The following ZFYVE28 variants were observed in gnomAD, a reference collection of about 807,000 sequenced individuals.
ZFYVE28 encodes lateral signaling target protein 2 homolog.
Under a neutral mutation model 82.1 loss-of-function variants are expected in ZFYVE28, and 40 were observed. The observed-to-expected ratio is 0.49, with a 90% CI of 0.38 to 0.63. The LOEUF (loss-of-function observed/expected upper bound fraction) is 0.63. ZFYVE28 is among the 30% of genes least tolerant of loss of function. The probability of loss-of-function intolerance (pLI) is 0.00; values close to 1 mark genes in which losing one functional copy is unlikely to be tolerated. For missense variants in ZFYVE28, 1,321 were observed against 1,242.1 expected (o/e 1.06, Z -0.96); for synonymous variants, 612 against 546.1 (o/e 1.12, Z -1.68).
intron 7 of ZFYVE28, chr4:2,306,862 G>C (rs762554042): frequency 6.6e-6 from 1 of 152,180 alleles, no homozygotes; most frequent in Non-Finnish European, 1.5e-5. Context: ...GTAAATATAC[G>C]TAGTTCCTTT....
At chr4:2,273,038 C>T (rs1736054909) in intron 10 of ZFYVE28, 135 bp downstream of exon 10, 1 of 723,306 alleles carries the variant, frequency 1.4e-6, no homozygotes, top group Non-Finnish European at 2.3e-6. Flanking sequence ...TCAGGGGATC[C>T]TGGGGTCGAC....
chr4:2,384,059 GCACATGTCC>G (rs1023999421), intron 1 of ZFYVE28, among the ~76,000 whole-genome samples: 2 of 152,188 alleles, frequency 1.3e-5, no homozygotes, highest in Non-Finnish European at 2.9e-5. Flanking sequence ...AGAGGGTAGG[GCACATGTCC>G]CACACAGGCA....
intron 1 of ZFYVE28, among the ~76,000 whole-genome samples, chr4:2,396,989 A>G (rs1055148499): frequency 7.9e-5 from 12 of 152,326 alleles, no homozygotes; most frequent in Admixed American, 3.3e-4. Flanking sequence ...GGGGCAGGAC[A>G]GGAGCCAGGG....
intron 4 of ZFYVE28, among the ~76,000 whole-genome samples, chr4:2,338,763 C>G (rs1306762247): frequency 6.6e-6 from 1 of 152,190 alleles, no homozygotes; most frequent in Non-Finnish European, 1.5e-5. Flanking sequence ...CAGTAGATTA[C>G]AAGATGAAAA....
intron 1 of ZFYVE28, among the ~76,000 whole-genome samples, chr4:2,406,123 G>A (rs1450027514): frequency 2.0e-5 from 3 of 151,386 alleles, no homozygotes; most frequent in Non-Finnish European, 4.4e-5. Context: ...TGTAATCCCA[G>A]CACTTTGGGA....
chr4:2,288,411 G>C (rs1431245602), intron 8 of ZFYVE28, among the ~76,000 whole-genome samples: 1 of 152,250 alleles, frequency 6.6e-6, no homozygotes, highest in Non-Finnish European at 1.5e-5. Context: ...CAGTGGGGGA[G>C]CATCGGGCCC....
chr4:2,394,658 G>A lies in ZFYVE28; in HGVS notation c.39+23627C>T, dbSNP rs182854333. Reference sequence around the variant, plus strand: ...CAGCTGCTCGGGCTGCTCGGTCACAGGCAGGGGCCTGGGTGTCGTGTCACA... The same window carrying A: ...CAGCTGCTCGGGCTGCTCGGTCACAAGCAGGGGCCTGGGTGTCGTGTCACA... On this transcript the variant is annotated intron_variant, in intron 1 of 12. Transcript: ENST00000290974. This position sits in a 1 kb window ranked among gnomAD's most constrained non-coding sequence, Gnocchi z 4.0. Among the ~76,000 whole-genome samples, 2 of 152,364 alleles carry A rather than the reference G, an allele frequency of 1.3e-5. No homozygotes were observed. Among genetic ancestry groups the A allele is most frequent in the African/African-American group, 4.8e-5 (2 of 41,590 alleles).
At chr4:2,299,627 A>G (rs866633193) in intron 8 of ZFYVE28, among the ~76,000 whole-genome samples, 4 of 148 alleles carry the variant, frequency 0.027, no homozygotes, top group South Asian at 0.25. Context: ...AAAGAGAAGG[A>G]AGGGAAGGGA....
rs565985106 is a variant in ZFYVE28, at chr4:2,271,820, C to G, written c.2324-41G>C. The G allele has an allele frequency of 2.0e-4, 313 of 1,584,668 alleles. 4 individuals are homozygous for G. In the South Asian group the frequency reaches 3.1e-3, roughly 16 times the overall value. ...GGCCGTCGGGGTATGGTGAGGGAGG[C>G]GGGCAATTGATGCAGGGTCACCTGC... On this transcript the variant is annotated intron_variant, in intron 10 of 12. Transcript: ENST00000290974.
intron 6 of ZFYVE28, chr4:2,330,984 C>T: frequency 6.5e-7 from 1 of 1,534,826 alleles, no homozygotes; most frequent in Non-Finnish European, 8.7e-7. Context: ...GATCCGGCAA[C>T]CATCCTGCAG....
chr4:2,308,683 G>GAAAGAAAGAGAAAGAAAGA (rs1553830773), intron 7 of ZFYVE28, among the ~76,000 whole-genome samples: 2,783 of 80,898 alleles, frequency 0.034, 79 homozygotes, highest in Non-Finnish European at 0.039. Flanking sequence ...GAAAGAGAAA[G>GAAAGAAAGAGAAAGAAAGA]AAAGAAAAGA....
chr4:2,343,784 G>A (rs1723142734), intron 2 of ZFYVE28, among the ~76,000 whole-genome samples: 1 of 152,224 alleles, frequency 6.6e-6, no homozygotes, highest in African/African-American at 2.4e-5. Flanking sequence ...GCCCAAGGCT[G>A]AGGAGCCTTT....
At chr4:2,281,962 G>A (rs1356487651) in intron 8 of ZFYVE28, among the ~76,000 whole-genome samples, 5 of 152,326 alleles carry the variant, frequency 3.3e-5, no homozygotes, top group African/African-American at 9.6e-5. Flanking sequence ...GGAACAGTAC[G>A]GGTGAGATAC....
In ZFYVE28 at chr4:2,335,889, A is replaced by G. The variant is rs1721610360; in HGVS notation, c.612-95T>C. The G allele has an allele frequency of 9.9e-7, 1 of 1,012,068 alleles. No individual in the cohort carries two copies. The highest frequency in any genetic ancestry group is 1.4e-5 in the South Asian group (1 of 72,486). 62.7% of individuals were successfully genotyped at this position (1,012,068 alleles called of 1,614,324 possible). On this transcript the variant is annotated intron_variant, in intron 5 of 12. Coordinates refer to ENST00000290974, the MANE Select transcript of ZFYVE28 (RefSeq NM_020972.3). The surrounding 1 kb of genome is among the most constrained non-coding windows in gnomAD (Gnocchi z 5.8). ...GGGACAGGCAGTGCGCTCAATCTGT[A>G]CCTGCAGCCACGCGTGGTGGCCACG... is the stretch of plus-strand genomic sequence containing the variant.
At chr4:2,295,116 G>GC (rs1410648800) in intron 8 of ZFYVE28, among the ~76,000 whole-genome samples, 2 of 152,146 alleles carry the variant, frequency 1.3e-5, no homozygotes, top group Non-Finnish European at 2.9e-5. Flanking sequence ...ATATGCTGTT[G>GC]TTTATCATAT....
In ZFYVE28 at chr4:2,331,005, C is replaced by T. The variant is rs1177966672; in HGVS notation, c.701+4700G>A. 8.5e-6 allele frequency: 12 copies of T among 1,409,376 alleles called. No homozygotes were observed. The East Asian group carries it at 1.0e-4, about 12-fold the overall frequency. The allele number at this position is 1,409,376 out of a possible 1,614,324, so 87.3% of individuals were successfully genotyped here. On this transcript the variant is annotated intron_variant, in intron 6 of 12. Coordinates refer to ENST00000290974, the MANE Select transcript of ZFYVE28 (RefSeq NM_020972.3). ...GCAACCATCCTGCAGGCCACGTGGG[C>T]GGTGGCTCCTGCACGTGTTCTGGGA...
At chr4:2,396,929 AT>A (rs1433230306) in intron 1 of ZFYVE28, among the ~76,000 whole-genome samples, 1 of 152,122 alleles carries the variant, frequency 6.6e-6, no homozygotes, top group Non-Finnish European at 1.5e-5. Flanking sequence ...CCCGAATTGA[AT>A]TGTGTGCTTC....
intron 2 of ZFYVE28, chr4:2,343,424 C>A (rs2108867517): frequency 6.6e-6 from 1 of 152,302 alleles, no homozygotes; most frequent in African/African-American, 2.4e-5. Flanking sequence ...GGCAAGAAAT[C>A]ATGCACTAAA....
intron 8 of ZFYVE28, among the ~76,000 whole-genome samples, chr4:2,276,755 C>T (rs899488315): frequency 3.3e-5 from 5 of 151,994 alleles, no homozygotes; most frequent in Middle Eastern, 3.4e-3. Flanking sequence ...TCCTGAGAGC[C>T]GTCACGTTCA....
Sources: gnomAD v4.1 joint callset for allele counts (sites outside exome capture counted in the v4.1 genomes callset) on GRCh38, gnomAD v4.1.1 for gene constraint, Gnocchi (gnomAD v3.1) non-coding constraint, MANE v1.5 for transcripts, NCBI Gene and HGNC (gene_info 2026-07-23, HGNC 2026-07-21) for gene names.